Variants in UGT2B7 observed in about 807,000 individuals in gnomAD.
The protein encoded by UGT2B7 is UDP-glucuronosyltransferase 2B7.
Under a neutral mutation model 51.9 loss-of-function variants are expected in UGT2B7, and 51 were observed. The ratio of observed to expected loss-of-function variants is 0.98; its 90% CI spans 0.78 to 1.24. UGT2B7 has a LOEUF of 1.24. Ranked by LOEUF, UGT2B7 falls within the 50% of genes most tolerant of loss-of-function variation. The pLI, the probability that UGT2B7 is intolerant of heterozygous loss-of-function variation, is 0.00. For missense variants in UGT2B7, 727 were observed against 628.4 expected (o/e 1.16, Z -1.68); for synonymous variants, 225 against 211.6 (o/e 1.06, Z -0.55).
chr4:69,110,101 C>G (rs1254969738), intron 5 of UGT2B7, among the ~76,000 whole-genome samples: 6 of 152,026 alleles, frequency 3.9e-5, no homozygotes, highest in African/African-American at 1.4e-4. Context: ...TTGAAGAACA[C>G]AATTAACAAA....
rs59634653 is a variant in UGT2B7, at chr4:69,098,473, C to T, written c.722-67C>T. ...CATTTTTGCCTACATTATTCTAACCCCTTTCAGAAATTTACCTAAAGTAAT... is the reference window on the plus strand; with the variant it reads ...CATTTTTGCCTACATTATTCTAACCTCTTTCAGAAATTTACCTAAAGTAAT... On this transcript the variant is annotated intron_variant, in intron 1 of 5. Coordinates refer to ENST00000305231, the MANE Select transcript of UGT2B7 (RefSeq NM_001074.4). 1.9e-3 allele frequency: 2,952 copies of T among 1,561,804 alleles called. 55 individuals are homozygous for T. The African/African-American group carries it at 0.037, about 20-fold the overall frequency.
At chr4:69,081,113 A>G (rs7674851) in intron 1 of UGT2B7, among the ~76,000 whole-genome samples, 87,695 of 151,978 alleles carry the variant, frequency 0.58, 26,309 homozygotes, top group African/African-American at 0.71. Context: ...AGAAAAACAA[A>G]TTGCAGAAAG....
At chr4:69,103,963 AAGG>A (rs761225968) in intron 3 of UGT2B7, among the ~76,000 whole-genome samples, 3 of 152,134 alleles carry the variant, frequency 2.0e-5, no homozygotes, top group Non-Finnish European at 4.4e-5. Flanking sequence ...GTAGGGGACT[AAGG>A]AGAATGAATT....
intron 1 of UGT2B7, among the ~76,000 whole-genome samples, chr4:69,072,658 A>G (rs1371043878): frequency 6.6e-6 from 1 of 152,164 alleles, no homozygotes; most frequent in African/African-American, 2.4e-5. Context: ...AAATTACTGA[A>G]TAACAGTAAA....
intron 1 of UGT2B7, among the ~76,000 whole-genome samples, chr4:69,071,795 A>G (rs892940995): frequency 6.6e-6 from 1 of 152,118 alleles, no homozygotes; most frequent in Non-Finnish European, 1.5e-5. Context: ...TACAAGAAAA[A>G]AAGTGTAACG....
At chr4:69,108,377 A>C in intron 5 of UGT2B7, 55 bp downstream of exon 5, 1 of 1,583,724 alleles carries the variant, frequency 6.3e-7, no homozygotes, top group Non-Finnish European at 8.6e-7. Context: ...TTCTCTTGTC[A>C]ATAGTGAGTG....
At chr4:69,092,380 G>A (rs1187300394), upstream of UGT2B7, among the ~76,000 whole-genome samples, 2 of 152,114 alleles carry the variant, frequency 1.3e-5, no homozygotes, top group East Asian at 3.9e-4. Context: ...TGAAGCAGCT[G>A]CAGGAAATGA....
At chr4:69,102,658 TGA>T (rs1437967462) in intron 2 of UGT2B7, 147 bp from the exon 3 acceptor site, 1 of 1,245,896 alleles carries the variant, frequency 8.0e-7, no homozygotes, top group Admixed American at 2.8e-5. Flanking sequence ...GCAAAAAAAC[TGA>T]GTGATTGGGT....
chr4:69,087,047 GCTCTGTCTCTCTTTCTCTCTCTCTCT>G (rs1560505540), intron 1 of UGT2B7, among the ~76,000 whole-genome samples: 4 of 142,510 alleles, frequency 2.8e-5, no homozygotes, highest in African/African-American at 1.0e-4. Context: ...TTTCTCTCTC[GCTCTGTCTCTCTTTCTCTCTCTCTCT>G]CTCTGTCTCT....
intron 1 of UGT2B7, among the ~76,000 whole-genome samples, chr4:69,083,792 G>A (rs987735605): frequency 2.6e-5 from 4 of 151,916 alleles, no homozygotes; most frequent in Non-Finnish European, 5.9e-5. Context: ...GGAGTCTTTA[G>A]GATTTTCTGT....
rs1719819406 is a variant in UGT2B7, at chr4:69,112,767, G to C, written c.*31G>C. 1 of 1,610,136 alleles carries C rather than the reference G, an allele frequency of 6.2e-7. No individual in the cohort carries two copies. The highest frequency in any genetic ancestry group is 1.4e-5 in the African/African-American group (1 of 74,052). On this transcript the variant is annotated 3_prime_UTR_variant, in exon 6 of 6. Coordinates refer to ENST00000305231, the MANE Select transcript of UGT2B7 (RefSeq NM_001074.4). ...TCTGAGATTTGAAGCTGGAAAACCT[G>C]ATAGGTGAGACTACTTCAGTTTATT...
chr4:69,092,978 AC>A (rs1417388583), upstream of UGT2B7, among the ~76,000 whole-genome samples: 109 of 145,368 alleles, frequency 7.5e-4, no homozygotes, highest in Admixed American at 9.8e-4. Context: ...AAAAAAAAAA[AC>A]AATATTAATA....
chr4:69,065,400 G>T (rs763085555), intron 1 of UGT2B7, among the ~76,000 whole-genome samples: 1 of 152,180 alleles, frequency 6.6e-6, no homozygotes, highest in Non-Finnish European at 1.5e-5. Context: ...CAAGGCTTTA[G>T]AGTGTACCAT....
chr4:69,075,998 C>G (rs1387662213), intron 1 of UGT2B7, among the ~76,000 whole-genome samples: 1 of 151,854 alleles, frequency 6.6e-6, no homozygotes, highest in Non-Finnish European at 1.5e-5. Flanking sequence ...TCTCACTGTT[C>G]AGCTCCCACT....
chr4:69,064,125 A>AAAGG lies in UGT2B7; in HGVS notation c.-159+12526_-159+12527insGAAG, dbSNP rs1329147748. Among the ~76,000 whole-genome samples, 8 of 144,790 alleles carry AAAGG rather than the reference A, an allele frequency of 5.5e-5. No individual in the cohort carries two copies. In the South Asian group the frequency reaches 6.6e-4, roughly 12 times the overall value. The allele number at this position is 144,790 out of a possible 152,430, so 95.0% of individuals were successfully genotyped here. A position where few individuals can be genotyped will look rare whatever the true frequency, so the allele number is the denominator to read the frequency against. ...AAGAAAGAAAGAAAAAGAAAGAAAGAAAGAAAGAAAGAAAAACAAAATTAA... is the reference window on the plus strand; with the variant it reads ...AAGAAAGAAAGAAAAAGAAAGAAAGAAAGGAAGAAAGAAAGAAAAACAAAATTAA... On this transcript the variant is annotated intron_variant, in intron 1 of 5. Transcript: ENST00000502942.
intron 1 of UGT2B7, among the ~76,000 whole-genome samples, chr4:69,055,743 G>A (rs1718176483): frequency 1.3e-5 from 2 of 152,170 alleles, no homozygotes; most frequent in Admixed American, 1.3e-4. Flanking sequence ...AGTTCCTGAT[G>A]AATTCCCAGA....
intron 5 of UGT2B7, among the ~76,000 whole-genome samples, chr4:69,110,866 T>C (rs553182607): frequency 1.3e-5 from 2 of 152,320 alleles, no homozygotes; most frequent in Admixed American, 1.3e-4. Flanking sequence ...ATTCACTTAG[T>C]GTATGAATAT....
intron 1 of UGT2B7, among the ~76,000 whole-genome samples, chr4:69,062,809 C>T (rs997575782): frequency 2.0e-5 from 3 of 152,254 alleles, no homozygotes; most frequent in Middle Eastern, 3.4e-3. Flanking sequence ...CTTGAAGAAT[C>T]GTCATCAGAT....
intron 1 of UGT2B7, among the ~76,000 whole-genome samples, chr4:69,079,838 T>C (rs1718794798): frequency 6.6e-6 from 1 of 151,592 alleles, no homozygotes; most frequent in Admixed American, 6.6e-5. Context: ...GTGTTATTAA[T>C]AAGGTTCTTA....
Sources: gnomAD v4.1 joint callset for allele counts (sites outside exome capture counted in the v4.1 genomes callset) on GRCh38, gnomAD v4.1.1 for gene constraint, MANE v1.5 for transcripts, NCBI Gene and HGNC (gene_info 2026-07-23, HGNC 2026-07-21) for gene names.